Variants in THSD4 observed in about 807,000 individuals in gnomAD.
The protein encoded by THSD4 is thrombospondin type-1 domain-containing protein 4.
THSD4 carries 69 observed loss-of-function variants against 119.0 expected under a neutral mutation model. The ratio of observed to expected loss-of-function variants is 0.58; its 90% CI spans 0.48 to 0.71. The LOEUF (loss-of-function observed/expected upper bound fraction) is 0.71. Among genes scored for constraint, THSD4 ranks in the 30% least tolerant of loss-of-function variants. The pLI, the probability that THSD4 is intolerant of heterozygous loss-of-function variation, is 0.00. For missense variants in THSD4, 1,393 were observed against 1,391.1 expected, an observed-to-expected ratio of 1.00 and a Z score of -0.02; for synonymous variants, 524 against 540.4, an observed-to-expected ratio of 0.97 and a Z score of 0.42.
intron 6 of THSD4, among the ~76,000 whole-genome samples, chr15:71,334,634 C>T (rs576951846): frequency 4.3e-4 from 66 of 152,336 alleles, no homozygotes; most frequent in African/African-American, 1.4e-3. Flanking sequence ...ACCAAGGCTG[C>T]GGCCAAATGC....
intron 8 of THSD4, among the ~76,000 whole-genome samples, chr15:71,693,272 G>A (rs1169366255): frequency 1.3e-5 from 2 of 152,162 alleles, no homozygotes; most frequent in African/African-American, 4.8e-5. Context: ...TTTCTGGTGA[G>A]GCAGAAGGAA....
chr15:71,446,955 C>A (rs1031006193), intron 7 of THSD4, among the ~76,000 whole-genome samples: 6 of 152,022 alleles, frequency 3.9e-5, no homozygotes, highest in Non-Finnish European at 8.8e-5. Flanking sequence ...CATCTGTAGC[C>A]TGTCACTGGC....
intron 7 of THSD4, among the ~76,000 whole-genome samples, chr15:71,472,797 T>C (rs539748341): frequency 1.1e-4 from 16 of 152,268 alleles, no homozygotes; most frequent in African/African-American, 3.9e-4. Context: ...TCATCTTAAT[T>C]GAAACTGTGT....
intron 7 of THSD4, among the ~76,000 whole-genome samples, chr15:71,624,994 G>C (rs953173742): frequency 2.2e-5 from 3 of 138,816 alleles, no homozygotes. Flanking sequence ...TTGTTTTGTT[G>C]TTGTTTTGTT....
At chr15:71,598,098 A>G (rs7177089) in intron 7 of THSD4, among the ~76,000 whole-genome samples, 144,076 of 151,946 alleles carry the variant, frequency 0.95, 68,803 homozygotes, top group Middle Eastern at 1. Flanking sequence ...AGGACCGGTC[A>G]AGAGATGGAA....
At chr15:71,477,167 G>T (rs1196040414) in intron 7 of THSD4, among the ~76,000 whole-genome samples, 1 of 152,236 alleles carries the variant, frequency 6.6e-6, no homozygotes, top group Non-Finnish European at 1.5e-5. Context: ...CGAGGCAAAA[G>T]CTCCACACGC....
At chr15:71,183,230 G>A (rs1210688200) in intron 3 of THSD4, 2 of 151,698 alleles carry the variant, frequency 1.3e-5, no homozygotes, top group Admixed American at 6.6e-5. Flanking sequence ...TAAAACCATC[G>A]GATCTTGTGA....
intron 5 of THSD4, among the ~76,000 whole-genome samples, chr15:71,250,918 TG>T (rs2044253212): frequency 6.6e-6 from 1 of 151,788 alleles, no homozygotes; most frequent in Non-Finnish European, 1.5e-5. Context: ...CTTCCTTGGA[TG>T]AAAAAAATAA....
chr15:71,467,491 T>C (rs576197720), intron 7 of THSD4, among the ~76,000 whole-genome samples: 1 of 152,284 alleles, frequency 6.6e-6, no homozygotes, highest in Non-Finnish European at 1.5e-5. Context: ...ACTGGGGGAA[T>C]CTCAGCAAGC....
intron 6 of THSD4, among the ~76,000 whole-genome samples, chr15:71,384,628 A>G (rs1263347517): frequency 1.3e-5 from 2 of 152,222 alleles, no homozygotes; most frequent in Non-Finnish European, 2.9e-5. Context: ...AGGCAATAAA[A>G]TTTTTGAAAC....
At chr15:71,498,109 TTAAG>T (rs1470399416) in intron 7 of THSD4, among the ~76,000 whole-genome samples, 27 of 152,224 alleles carry the variant, frequency 1.8e-4, no homozygotes, top group Admixed American at 1.8e-3. Flanking sequence ...AATTTAATGA[TTAAG>T]TAATTTTTAA....
intron 7 of THSD4, among the ~76,000 whole-genome samples, chr15:71,526,611 T>C (rs2048523686): frequency 6.6e-6 from 1 of 152,164 alleles, no homozygotes; most frequent in African/African-American, 2.4e-5. Flanking sequence ...TCTTGGCATG[T>C]TTATGGGTGG....
chr15:71,744,648 A>G (rs985764449), intron 11 of THSD4, among the ~76,000 whole-genome samples: 32 of 152,184 alleles, frequency 2.1e-4, no homozygotes, highest in Admixed American at 3.3e-4. Context: ...ATACATGCAC[A>G]TATCTACCCA....
intron 7 of THSD4, among the ~76,000 whole-genome samples, chr15:71,470,273 GAT>G (rs2047556432): frequency 1.3e-5 from 2 of 152,118 alleles, no homozygotes; most frequent in Non-Finnish European, 2.9e-5. Context: ...GAAAAAACCT[GAT>G]AGTTTGTTGG....
intron 1 of THSD4, among the ~76,000 whole-genome samples, chr15:71,120,456 AG>A (rs1438067085): frequency 6.6e-6 from 1 of 152,122 alleles, no homozygotes; most frequent in Non-Finnish European, 1.5e-5. Flanking sequence ...GGCGCCCATT[AG>A]CCCTGCTTCT....
intron 8 of THSD4, among the ~76,000 whole-genome samples, chr15:71,717,890 T>A (rs893853291): frequency 6.6e-6 from 1 of 152,184 alleles, no homozygotes; most frequent in Non-Finnish European, 1.5e-5. Flanking sequence ...GGCTTATGCC[T>A]GTAATCCCAG....
At chr15:71,715,160 C>G (rs1205105950) in intron 8 of THSD4, among the ~76,000 whole-genome samples, 1 of 152,196 alleles carries the variant, frequency 6.6e-6, no homozygotes, top group Non-Finnish European at 1.5e-5. Context: ...GCTTGGAGTT[C>G]TAATACTCAA....
At chr15:71,599,270 A>G (rs1401528043) in intron 7 of THSD4, among the ~76,000 whole-genome samples, 1 of 152,110 alleles carries the variant, frequency 6.6e-6, no homozygotes, top group Non-Finnish European at 1.5e-5. Flanking sequence ...TAAATATTTG[A>G]TTGATTTGCT....
At chr15:71,575,193 T>G (rs2140905683) in intron 7 of THSD4, among the ~76,000 whole-genome samples, 1 of 152,290 alleles carries the variant, frequency 6.6e-6, no homozygotes, top group East Asian at 1.9e-4. Context: ...TTTTATGGAT[T>G]TGTAACTTAG....
Sources: gnomAD v4.1 joint callset for allele counts (sites outside exome capture counted in the v4.1 genomes callset) on GRCh38, gnomAD v4.1.1 for gene constraint, MANE v1.5 for transcripts, NCBI Gene and HGNC (gene_info 2026-07-23, HGNC 2026-07-21) for gene names.